The following TENM4 variants were observed in gnomAD, a reference collection of about 807,000 sequenced individuals.
TENM4 encodes the protein teneurin-4.
In TENM4, 82 loss-of-function variants were observed where a neutral mutation model predicts 243.3. The observed-to-expected ratio is 0.34, with a 90% CI of 0.28 to 0.40. The LOEUF (loss-of-function observed/expected upper bound fraction) is 0.40, where lower values mean the gene tolerates loss of function less well. Among genes scored for constraint, TENM4 ranks in the 10% least tolerant of loss-of-function variants. The pLI is 1.00. For synonymous variants in TENM4, 1,412 were observed against 1,456.3 expected (o/e 0.97, Z 0.69); for missense variants, 3,138 against 3,673.3 (o/e 0.85, Z 3.77).
chr11:78,796,480 C>A (rs1047091124), intron 15 of TENM4, among the ~76,000 whole-genome samples: 3 of 152,080 alleles, frequency 2.0e-5, no homozygotes, highest in South Asian at 2.1e-4. Flanking sequence ...CCCTAATAAC[C>A]TTTTGTAAAA....
At chr11:78,761,636 T>G (rs568191680) in intron 18 of TENM4, among the ~76,000 whole-genome samples, 2 of 152,202 alleles carry the variant, frequency 1.3e-5, no homozygotes, top group African/African-American at 2.4e-5. Context: ...GTTCTAGGAC[T>G]GCTCTAGTAT....
At chr11:79,104,327 T>C (rs529747624) in intron 4 of TENM4, among the ~76,000 whole-genome samples, 2 of 152,360 alleles carry the variant, frequency 1.3e-5, no homozygotes, top group South Asian at 4.1e-4. Flanking sequence ...AAGAAAATAA[T>C]AAGGACTCCC....
chr11:78,998,143 G>A (rs1261686799), intron 6 of TENM4, among the ~76,000 whole-genome samples: 1 of 152,178 alleles, frequency 6.6e-6, no homozygotes, highest in Non-Finnish European at 1.5e-5. Context: ...AGCACCCCAA[G>A]CTGACTAAGG....
chr11:78,839,735 T>C (rs955369626), intron 12 of TENM4, among the ~76,000 whole-genome samples: 2 of 152,250 alleles, frequency 1.3e-5, no homozygotes, highest in Non-Finnish European at 1.5e-5. Flanking sequence ...AACCATAATA[T>C]TGACTTTTGA....
rs145440502 is a variant in TENM4 at position 79,326,433 on chromosome 11, C to T, written c.-320-28890G>A. ...TGCTCAAGACACTTCTCAAAGGCTT[C>T]CTTTTCTGCAAAGCAAGCATGGACT... On this transcript the variant is annotated intron_variant, in intron 1 of 33. Transcript: ENST00000278550. Among the ~76,000 whole-genome samples, 199 of 152,300 alleles carry T rather than the reference C, an allele frequency of 1.3e-3. 1 individual carries two copies. Among genetic ancestry groups the T allele is most frequent in the Non-Finnish European group, 2.1e-3 (145 of 68,024 alleles).
At chr11:79,195,308 T>G (rs533575438) in intron 3 of TENM4, among the ~76,000 whole-genome samples, 1 of 152,292 alleles carries the variant, frequency 6.6e-6, no homozygotes, top group East Asian at 1.9e-4. Flanking sequence ...TACTGCCTAC[T>G]ACTGGAGCTG....
intron 4 of TENM4, among the ~76,000 whole-genome samples, chr11:79,104,231 A>G (rs1052357066): frequency 6.6e-6 from 1 of 152,190 alleles, no homozygotes; most frequent in Non-Finnish European, 1.5e-5. Context: ...TTCCCCAGCA[A>G]GATAGTAAGC....
rs539785794 is a variant in TENM4 at position 78,702,039 on chromosome 11, G to C, written c.4574C>G (p.Ser1525Cys). Residue 1525 changes from serine (S) to cysteine (C), a missense_variant, in exon 28 of 34, where the codon TCT (serine) becomes TGT (cysteine). This residue lies in a region of TENM4 where 2,467 missense variants were observed against 3,059.1 expected (regional missense o/e 0.81). Transcript: ENST00000278550. ...ATCCTTGGCATAACCATCGTCTCCA[G>C]AAAAACAATCACAGTTGGCATCATT... ...CKNDANCDCF[S>C]GDDGYAKDAK... 8 of 1,613,794 alleles carry C rather than the reference G, an allele frequency of 5.0e-6. No individual in the cohort carries two copies. The Admixed American group carries it at 5.0e-5, about 10-fold the overall frequency.
chr11:79,114,174 T>C (rs1861570253), intron 4 of TENM4, among the ~76,000 whole-genome samples: 1 of 152,128 alleles, frequency 6.6e-6, no homozygotes, highest in African/African-American at 2.4e-5. Flanking sequence ...AACATGTATT[T>C]TAAAGCCCCT....
chr11:79,310,455 TA>T (rs1197164640), intron 1 of TENM4, among the ~76,000 whole-genome samples: 1 of 152,216 alleles, frequency 6.6e-6, no homozygotes, highest in Non-Finnish European at 1.5e-5. Context: ...TGCCAGGCTC[TA>T]GCCTGAATAC....
At chr11:78,882,161 C>A (rs1855444807) in intron 9 of TENM4, among the ~76,000 whole-genome samples, 1 of 152,090 alleles carries the variant, frequency 6.6e-6, no homozygotes, top group Non-Finnish European at 1.5e-5. Context: ...AACACCTAGG[C>A]CCAAGTGTAA....
intron 1 of TENM4, among the ~76,000 whole-genome samples, chr11:79,431,287 A>T (rs1859163951): frequency 6.6e-6 from 1 of 152,192 alleles, no homozygotes; most frequent in African/African-American, 2.4e-5. Context: ...CACAAAACAC[A>T]TTTTCAAAAC....
intron 6 of TENM4, among the ~76,000 whole-genome samples, chr11:78,910,796 C>T (rs1003246453): frequency 7.9e-5 from 12 of 152,192 alleles, no homozygotes; most frequent in Admixed American, 4.6e-4. Flanking sequence ...ACTCCTTCTC[C>T]GGACAAAATG....
In TENM4 at chr11:78,729,528, G is replaced by C; in HGVS notation, c.3254C>G (p.Pro1085Arg). The C allele has an allele frequency of 6.2e-7, 1 of 1,614,000 alleles. No individual in the cohort carries two copies. Among genetic ancestry groups the C allele is most frequent in the South Asian group, 1.1e-5 (1 of 91,070 alleles). Reference sequence around the variant, plus strand: ...GAGGTGCACCTTCATGAGGTTGAAGGGGATGGTCGGGTGGGTGAGGCTGAT... The same window carrying C: ...GAGGTGCACCTTCATGAGGTTGAAGCGGATGGTCGGGTGGGTGAGGCTGAT... ...LRISLTHPTI[P>R]FNLMKVHLMV... Residue 1085 changes from proline to arginine, a missense_variant, in exon 22 of 34, where the codon CCC (proline) becomes CGC (arginine). Pro to Arg is a moderately radical substitution (Grantham distance 103, BLOSUM62 -2). Around this residue, in one of 2 missense-constraint regions of TENM4, gnomAD observed 2,467 missense variants for 3,059.1 expected, o/e 0.81. Transcript: ENST00000278550.
rs1857816329 is a variant in TENM4, at chr11:78,653,370, A to G, written c.*4688T>C. The G allele has an allele frequency of 6.6e-6, 1 of 152,006 alleles. No individual in the cohort carries two copies. Among genetic ancestry groups the G allele is most frequent in the East Asian group, 1.9e-4 (1 of 5,192 alleles). 9.4% of individuals were successfully genotyped at this position (152,006 alleles called of 1,614,324 possible). ...TTATGCTTTTTTTTTTCTAGAAGGT[A>G]TCTACATCTGCATTTATTTACAGCC... is the stretch of plus-strand genomic sequence containing the variant. On this transcript the variant is annotated 3_prime_UTR_variant, in exon 34 of 34. Transcript: ENST00000278550.
chr11:79,322,684 C>T (rs1856911362), intron 1 of TENM4, among the ~76,000 whole-genome samples: 1 of 152,154 alleles, frequency 6.6e-6, no homozygotes, highest in African/African-American at 2.4e-5. Context: ...CAAAATTGAG[C>T]TTTGAATTAG....
chr11:79,249,452 A>T (rs144537002), intron 2 of TENM4, among the ~76,000 whole-genome samples: 4 of 152,320 alleles, frequency 2.6e-5, no homozygotes, highest in African/African-American at 9.6e-5. Context: ...TAATGAATAG[A>T]TTGAATCATA....
At position 78,957,303 on chromosome 11, in the gene TENM4, AAAC is replaced by A. The variant is rs536154721; in HGVS notation, c.494-53783_494-53781del. Among the ~76,000 whole-genome samples the A allele has an allele frequency of 2.0e-4, 30 of 152,090 alleles. No homozygotes were observed. In the East Asian group the frequency reaches 3.5e-3, roughly 18 times the overall value. ...CATCCAAGTAACTGCAGTTGGCATG[AAAC>A]AACAACAACAACAACAACAAAATCC... On this transcript the variant is annotated intron_variant, in intron 6 of 33. Coordinates refer to ENST00000278550, the MANE Select transcript of TENM4 (RefSeq NM_001098816.3).
intron 16 of TENM4, among the ~76,000 whole-genome samples, chr11:78,782,682 C>G (rs1345949586): frequency 6.6e-6 from 1 of 151,958 alleles, no homozygotes; most frequent in Non-Finnish European, 1.5e-5. Context: ...AGAAGAATTG[C>G]TTGAACCTGG....
Sources: gnomAD v4.1 joint callset for allele counts (sites outside exome capture counted in the v4.1 genomes callset) on GRCh38, gnomAD v4.1.1 for gene constraint, gnomAD v4.1.1 regional missense constraint, MANE v1.5 for transcripts, NCBI Gene and HGNC (gene_info 2026-07-23, HGNC 2026-07-21) for gene names.